FNIP1: variants seen among roughly 807,000 people sequenced by gnomAD.
FNIP1 encodes the protein folliculin-interacting protein 1.
In FNIP1, 40 loss-of-function variants were observed where a neutral mutation model predicts 124.5. The ratio of observed to expected loss-of-function variants is 0.32; its 90% CI spans 0.25 to 0.42. The LOEUF (loss-of-function observed/expected upper bound fraction) is 0.42, where lower values mean the gene tolerates loss of function less well. Ranked by LOEUF, FNIP1 falls within the 10% of genes least tolerant of loss-of-function variation. The pLI is 1.00. For missense variants in FNIP1, 1,176 were observed against 1,403.7 expected (o/e 0.84, Z 2.59); for synonymous variants, 472 against 470.6 (o/e 1.00, Z -0.04).
rs114713052 is a variant in FNIP1, at chr5:131,750,955, T to C, written c.93-6265A>G. On this transcript the variant is annotated intron_variant, in intron 1 of 17. Coordinates refer to ENST00000510461, the MANE Select transcript of FNIP1 (RefSeq NM_133372.3). ...AAAATTTTCTGGAGAAAATGAAAAG[T>C]TGGGCTTCACTGGATATGTGGTCTT... Among the ~76,000 whole-genome samples, 922 of 152,276 alleles carry C rather than the reference T, an allele frequency of 6.1e-3. 10 individuals carry two copies. The highest frequency in any genetic ancestry group is 0.021 in the African/African-American group (882 of 41,552).
intron 13 of FNIP1, 163 bp downstream of exon 13, chr5:131,677,540 G>A (rs1041417648): frequency 5.0e-6 from 3 of 601,984 alleles, no homozygotes; most frequent in Non-Finnish European, 8.4e-6. Context: ...GGTCTAAGAC[G>A]AGGATAAGAC....
rs202196092 is a variant in FNIP1 at position 131,644,663 on chromosome 5, T to C, written c.*22A>G. 15 of 1,606,724 alleles carry C rather than the reference T, an allele frequency of 9.3e-6. No individual in the cohort carries two copies. In the East Asian group the frequency reaches 3.1e-4, roughly 33 times the overall value. On this transcript the variant is annotated 3_prime_UTR_variant, in exon 18 of 18. Transcript: ENST00000510461. ...TGGTTTCTACCTATTTTCCCACCAATTTCTAACAATTTTTAGGTATATTAA... is the reference window on the plus strand; with the variant it reads ...TGGTTTCTACCTATTTTCCCACCAACTTCTAACAATTTTTAGGTATATTAA...
intron 1 of FNIP1, among the ~76,000 whole-genome samples, chr5:131,777,077 T>C (rs1417287581): frequency 6.6e-6 from 1 of 151,984 alleles, no homozygotes; most frequent in South Asian, 2.1e-4. Flanking sequence ...ACTAAAAAAA[T>C]TGTCTAAGAT....
chr5:131,782,978 T>C (rs577478193), intron 1 of FNIP1, among the ~76,000 whole-genome samples: 2 of 152,350 alleles, frequency 1.3e-5, no homozygotes, highest in East Asian at 3.9e-4. Flanking sequence ...CTTAAGTATT[T>C]CTAGATTAAA....
chr5:131,688,518 T>G (rs1399401405), intron 11 of FNIP1, among the ~76,000 whole-genome samples: 1 of 151,520 alleles, frequency 6.6e-6, no homozygotes, highest in African/African-American at 2.4e-5. Flanking sequence ...AGAATCAAAC[T>G]CAAATTTGGC....
chr5:131,784,491 A>C (rs1433281376), intron 1 of FNIP1, among the ~76,000 whole-genome samples: 1 of 152,186 alleles, frequency 6.6e-6, no homozygotes, highest in Non-Finnish European at 1.5e-5. Flanking sequence ...AATAATAAAT[A>C]AATCAATAAT....
chr5:131,693,317 CACAT>C (rs1768557121), intron 11 of FNIP1, among the ~76,000 whole-genome samples: 15 of 41,586 alleles, frequency 3.6e-4, no homozygotes, highest in Admixed American at 1.1e-3. Context: ...TATATATATA[CACAT>C]ATATATATAT....
intron 8 of FNIP1, among the ~76,000 whole-genome samples, chr5:131,706,917 A>T (rs1769132469): frequency 6.6e-6 from 1 of 152,232 alleles, no homozygotes. Flanking sequence ...AACTTAATGC[A>T]GCAGCTGGAT....
chr5:131,697,704 G>A (rs32102), intron 11 of FNIP1, among the ~76,000 whole-genome samples: 97,994 of 151,658 alleles, frequency 0.65, 33,346 homozygotes, highest in Non-Finnish European at 0.77. Context: ...AGTGGCTCAT[G>A]CCTGTAATCC....
intron 11 of FNIP1, among the ~76,000 whole-genome samples, chr5:131,697,433 T>C (rs1163963672): frequency 6.6e-6 from 1 of 151,854 alleles, no homozygotes; most frequent in African/African-American, 2.4e-5. Flanking sequence ...CCCAGATACA[T>C]ATTTTTAATT....
chr5:131,786,308 T>C (rs924698570), intron 1 of FNIP1, among the ~76,000 whole-genome samples: 1 of 152,214 alleles, frequency 6.6e-6, no homozygotes, highest in African/African-American at 2.4e-5. Flanking sequence ...TTATAGAACT[T>C]ACAATCTAGT....
At position 131,677,797 on chromosome 5, in the gene FNIP1, T is replaced by C. The variant is rs1767954626; in HGVS notation, c.1425A>G (p.Gln475=). ...AWVPTVMPNG[Q]PPIKIFLEKH... ...TTTCTAAAAATATTTTTATAGGTGG[T>C]TGTCCATTTGGCATGACTGTTGGAA... is the stretch of plus-strand genomic sequence containing the variant. The change falls in exon 13 of 18, where the codon CAA becomes CAG. Residue 475 remains glutamine, a synonymous_variant. Transcript: ENST00000510461. 1 of 1,614,148 alleles carries C rather than the reference T, an allele frequency of 6.2e-7. No individual in the cohort carries two copies. Among genetic ancestry groups the C allele is most frequent in the East Asian group, 2.2e-5 (1 of 44,868 alleles).
intron 11 of FNIP1, among the ~76,000 whole-genome samples, chr5:131,684,845 G>T (rs563612795): frequency 6.6e-6 from 1 of 152,132 alleles, no homozygotes. Flanking sequence ...CTGCAGAAAA[G>T]AATTTGTCAA....
chr5:131,689,935 T>C (rs1768417837), intron 11 of FNIP1, among the ~76,000 whole-genome samples: 1 of 152,114 alleles, frequency 6.6e-6, no homozygotes, highest in Admixed American at 6.5e-5. Context: ...AGTTAAGGTA[T>C]AGAAGCCGGG....
In FNIP1 at chr5:131,670,515, C is replaced by T; in HGVS notation, c.3056G>A (p.Ser1019Asn). 1 of 1,613,640 alleles carries T rather than the reference C, an allele frequency of 6.2e-7. No homozygotes were observed. Among genetic ancestry groups the T allele is most frequent in the South Asian group, 1.1e-5 (1 of 91,000 alleles). ...VPDFVLQGIG[S>N]DERFRQCLMS... ...CAGACACTGACGGAACCTCTCATCA[C>T]TCCCAATTCCTTGAAGAACAAAGTC... Residue 1019 changes from serine to asparagine, a missense_variant, in exon 15 of 18, where the codon AGT (serine) becomes AAT (asparagine). This residue lies in a region of FNIP1 where 1,109 missense variants were observed against 1,288.5 expected (regional missense o/e 0.86). Coordinates refer to ENST00000510461, the MANE Select transcript of FNIP1 (RefSeq NM_133372.3).
At chr5:131,729,758 T>C (rs1426510956) in intron 3 of FNIP1, among the ~76,000 whole-genome samples, 9 of 151,966 alleles carry the variant, frequency 5.9e-5, no homozygotes, top group Non-Finnish European at 1.3e-4. Context: ...TTTTTTTCTT[T>C]TTTTGAGACA....
chr5:131,767,159 C>T (rs186620282), intron 1 of FNIP1, among the ~76,000 whole-genome samples: 1 of 152,100 alleles, frequency 6.6e-6, no homozygotes, highest in African/African-American at 2.4e-5. Flanking sequence ...CTTGGCCAGG[C>T]GTGGTGGCTC....
intron 16 of FNIP1, among the ~76,000 whole-genome samples, chr5:131,650,802 G>A (rs891675779): frequency 2.6e-5 from 4 of 152,078 alleles, no homozygotes; most frequent in Admixed American, 6.5e-5. Flanking sequence ...TTTAACTATG[G>A]TATGTTATAG....
intron 6 of FNIP1, 92 bp from the exon 7 acceptor site, chr5:131,710,753 G>T: frequency 2.1e-6 from 2 of 973,694 alleles, no homozygotes; most frequent in South Asian, 3.3e-5. Context: ...GGCAGCACAA[G>T]AGCAGACCAA....
Sources: gnomAD v4.1 joint callset for allele counts (sites outside exome capture counted in the v4.1 genomes callset) on GRCh38, gnomAD v4.1.1 for gene constraint, gnomAD v4.1.1 regional missense constraint, MANE v1.5 for transcripts, NCBI Gene and HGNC (gene_info 2026-07-23, HGNC 2026-07-21) for gene names.